The following SP140L variants were observed in gnomAD, a reference collection of about 807,000 sequenced individuals.
SP140L encodes SP140 like nuclear body protein, also known as nuclear body protein SP140-like protein.
In SP140L, 64 loss-of-function variants were observed where a neutral mutation model predicts 84.3. That is an observed-to-expected ratio of 0.76 (90% CI 0.62 to 0.94). SP140L has a LOEUF of 0.94. Among genes scored for constraint, SP140L ranks in the 40% least tolerant of loss-of-function variants. The pLI is 0.00. For synonymous variants in SP140L, 242 were observed against 236.9 expected, an observed-to-expected ratio of 1.02 and a Z score of -0.20; for missense variants, 628 against 692.5, an observed-to-expected ratio of 0.91 and a Z score of 1.05.
chr2:230,391,833 G>T (rs1366707158), intron 11 of SP140L: 4 of 392,088 alleles, frequency 1.0e-5, no homozygotes, highest in Non-Finnish European at 1.4e-5. Context: ...ATGCTTAAAA[G>T]GTTGCTCTTG....
At chr2:230,343,788 A>C (rs1019169809) in intron 2 of SP140L, among the ~76,000 whole-genome samples, 2 of 152,088 alleles carry the variant, frequency 1.3e-5, no homozygotes, top group African/African-American at 4.8e-5. Flanking sequence ...GTGTGAGATA[A>C]TATCTCATGT....
At chr2:230,382,914 T>C (rs1267313877) in intron 7 of SP140L, among the ~76,000 whole-genome samples, 2 of 152,196 alleles carry the variant, frequency 1.3e-5, no homozygotes, top group Non-Finnish European at 2.9e-5. Flanking sequence ...CTGCAAATGG[T>C]CCAGACAGCC....
intron 2 of SP140L, 81 bp from the exon 3 acceptor site, chr2:230,357,724 C>T (rs776507604): frequency 4.6e-5 from 64 of 1,392,400 alleles, no homozygotes; most frequent in African/African-American, 1.9e-4. Flanking sequence ...ATAGCTTATC[C>T]GTTATACATA....
At chr2:230,356,794 T>G (rs2060562550) in intron 2 of SP140L, among the ~76,000 whole-genome samples, 2 of 152,236 alleles carry the variant, frequency 1.3e-5, no homozygotes. Context: ...CTTTTTGTCT[T>G]CAAGGTTTTA....
Position 230,403,153 on chromosome 2 carries a change from T to C in SP140L, c.*257T>C. On this transcript the variant is annotated 3_prime_UTR_variant, in exon 19 of 19. Transcript: ENST00000415673. ...ATACCAGCACAGACAGACTCTCACC[T>C]CTTCTCCTGAGGTCTGCTCCAGACA... 2.5e-6 allele frequency: 1 copy of C among 397,174 alleles called. No homozygotes were observed. The allele number at this position is 397,174 out of a possible 1,614,324, so 24.6% of individuals were successfully genotyped here.
intron 2 of SP140L, among the ~76,000 whole-genome samples, chr2:230,344,959 G>A (rs192688142): frequency 1.2e-3 from 183 of 152,252 alleles, no homozygotes; most frequent in African/African-American, 4.3e-3. Context: ...GTACACTTGA[G>A]TAGAATATGT....
chr2:230,400,668 G>A (rs987308573), intron 15 of SP140L: 2 of 618,234 alleles, frequency 3.2e-6, no homozygotes, highest in Non-Finnish European at 5.5e-6. Context: ...ACACAGGCCT[G>A]GCAGGCAGGA....
At position 230,389,937 on chromosome 2, in the gene SP140L, A is replaced by ATGAAAC. The variant is rs1245507211; in HGVS notation, c.881_886dup (p.Glu294_Thr295dup). ...CTTTCAGCTTCAAGAAAGCACAAAG[A>ATGAAAC]TGAAACTGTGGATTTTCAGGCTCCT... On this transcript the variant is annotated inframe_insertion, in exon 11 of 19. Transcript: ENST00000415673. 8.1e-6 allele frequency: 13 copies of ATGAAAC among 1,613,732 alleles called. No homozygotes were observed. Among genetic ancestry groups the ATGAAAC allele is most frequent in the Non-Finnish European group, 1.0e-5 (12 of 1,179,822 alleles).
chr2:230,388,664 T>A lies in SP140L; in HGVS notation c.859+31T>A, dbSNP rs781056752. 2.0e-6 allele frequency: 3 copies of A among 1,534,814 alleles called. No individual in the cohort carries two copies. In the South Asian group the frequency reaches 3.7e-5, roughly 19 times the overall value. The stretch of plus-strand genomic sequence containing the variant: ...AAAGAAAAGAGGAATGCACTTTCAA[T>A]AACTAAACATCTAATTTCCTGTGCT... On this transcript the variant is annotated intron_variant, in intron 10 of 18. Transcript: ENST00000415673.
chr2:230,352,040 T>A (rs1011367511), intron 2 of SP140L, among the ~76,000 whole-genome samples: 5 of 152,242 alleles, frequency 3.3e-5, no homozygotes, highest in African/African-American at 7.2e-5. Context: ...CTACTTTTTT[T>A]CTAATTGGGA....
intron 14 of SP140L, among the ~76,000 whole-genome samples, chr2:230,399,656 G>C (rs1047136258): frequency 1.3e-5 from 2 of 152,178 alleles, no homozygotes; most frequent in Non-Finnish European, 2.9e-5. Flanking sequence ...ACTAGGCCCT[G>C]TCTTCAACTC....
chr2:230,355,912 A>G (rs1469431733), intron 2 of SP140L, among the ~76,000 whole-genome samples: 1 of 152,118 alleles, frequency 6.6e-6, no homozygotes, highest in Non-Finnish European at 1.5e-5. Flanking sequence ...AATATTTACA[A>G]TACATAAATC....
At chr2:230,348,187 C>T (rs1224141328) in intron 2 of SP140L, among the ~76,000 whole-genome samples, 1 of 152,204 alleles carries the variant, frequency 6.6e-6, no homozygotes, top group African/African-American at 2.4e-5. Flanking sequence ...CAAAGTGAAA[C>T]TGTATGACTC....
intron 14 of SP140L, among the ~76,000 whole-genome samples, chr2:230,398,014 T>G (rs1410248134): frequency 6.6e-6 from 1 of 152,234 alleles, no homozygotes; most frequent in Non-Finnish European, 1.5e-5. Context: ...AATATCCCCA[T>G]GCTTCCATAA....
At chr2:230,341,562 G>T (rs1461175671) in intron 2 of SP140L, among the ~76,000 whole-genome samples, 2 of 151,336 alleles carry the variant, frequency 1.3e-5, no homozygotes, top group Admixed American at 6.6e-5. Context: ...GAGGAGGAGA[G>T]GTGCTCTGCT....
intron 14 of SP140L, among the ~76,000 whole-genome samples, chr2:230,397,763 A>G (rs1468518341): frequency 6.6e-6 from 1 of 152,164 alleles, no homozygotes; most frequent in African/African-American, 2.4e-5. Context: ...CAGTCCTCCA[A>G]TCAGATTTAG....
Position 230,396,678 on chromosome 2 carries a change from G to T in SP140L, c.1156-79G>T, listed in dbSNP as rs547796538. 1.2e-5 allele frequency: 19 copies of T among 1,527,618 alleles called. No homozygotes were observed. The East Asian group carries it at 3.6e-4, about 29-fold the overall frequency. The allele number at this position is 1,527,618 out of a possible 1,614,324, so 94.6% of individuals were successfully genotyped here. A position where few individuals can be genotyped will look rare whatever the true frequency, so the allele number is the denominator to read the frequency against. ...CTGGTTCCTGAATCCCTTCAAAGAT[G>T]ACTATTTAAATTTAAGTAAGTGATA... On this transcript the variant is annotated intron_variant, in intron 13 of 18. Coordinates refer to ENST00000415673, the MANE Select transcript of SP140L (RefSeq NM_138402.6).
intron 1 of SP140L, 92 bp downstream of exon 1, chr2:230,327,393 T>C: frequency 7.6e-6 from 11 of 1,443,016 alleles, no homozygotes; most frequent in Non-Finnish European, 9.5e-6. Context: ...AGCTTCAGTT[T>C]AGTCCTGCTT....
In SP140L at chr2:230,368,212, C is replaced by T. The variant is rs570745435; in HGVS notation, c.524-2696C>T. Among the ~76,000 whole-genome samples the T allele has an allele frequency of 2.0e-5, 3 of 152,298 alleles. No individual in the cohort carries two copies. The East Asian group carries it at 5.8e-4, about 29-fold the overall frequency. On this transcript the variant is annotated intron_variant, in intron 5 of 18. Coordinates refer to ENST00000415673, the MANE Select transcript of SP140L (RefSeq NM_138402.6). Reference sequence around the variant, plus strand: ...TGTTTGCCTAGGAAAGTCTTTACCTCTCCTTCATTTCTGAAGGACACCTTT... The same window carrying T: ...TGTTTGCCTAGGAAAGTCTTTACCTTTCCTTCATTTCTGAAGGACACCTTT...
Sources: gnomAD v4.1 joint callset for allele counts (sites outside exome capture counted in the v4.1 genomes callset) on GRCh38, gnomAD v4.1.1 for gene constraint, MANE v1.5 for transcripts, NCBI Gene and HGNC (gene_info 2026-07-23, HGNC 2026-07-21) for gene names.